The following IMMP2L variants were observed in gnomAD, a reference collection of about 807,000 sequenced individuals.
The protein encoded by IMMP2L is mitochondrial inner membrane protease subunit 2.
IMMP2L carries 18 observed loss-of-function variants against 19.3 expected under a neutral mutation model. The observed-to-expected ratio is 0.93, with a 90% confidence interval of 0.64 to 1.38. The LOEUF is 1.38. Ranked by LOEUF, IMMP2L falls within the 40% of genes most tolerant of loss-of-function variation. The pLI, the probability that IMMP2L is intolerant of heterozygous loss-of-function variation, is 0.00. For synonymous variants in IMMP2L, 76 were observed against 73.0 expected, an observed-to-expected ratio of 1.04 and a Z score of -0.21; for missense variants, 233 against 218.2, an observed-to-expected ratio of 1.07 and a Z score of -0.43.
At chr7:111,062,984 G>A (rs909025136) in intron 3 of IMMP2L, among the ~76,000 whole-genome samples, 1 of 152,190 alleles carries the variant, frequency 6.6e-6, no homozygotes, top group African/African-American at 2.4e-5. Flanking sequence ...TGGAGGTCTG[G>A]GGGACAGTGG....
chr7:111,475,737 A>G (rs2132148717), intron 3 of IMMP2L, among the ~76,000 whole-genome samples: 1 of 152,252 alleles, frequency 6.6e-6, no homozygotes, highest in East Asian at 1.9e-4. Flanking sequence ...GTAATTTTAA[A>G]TAAATAGGAA....
At chr7:111,180,595 G>A (rs757141916) in intron 3 of IMMP2L, among the ~76,000 whole-genome samples, 3 of 152,020 alleles carry the variant, frequency 2.0e-5, no homozygotes, top group East Asian at 1.9e-4. Flanking sequence ...AACATGAAGT[G>A]GGCACATGCT....
chr7:111,258,592 C>T (rs1487504990), intron 3 of IMMP2L, among the ~76,000 whole-genome samples: 3 of 152,006 alleles, frequency 2.0e-5, no homozygotes, highest in Non-Finnish European at 2.9e-5. Flanking sequence ...TGGCACCCTC[C>T]ACCTTCCAGG....
At chr7:110,840,514 A>G (rs1804964040) in intron 5 of IMMP2L, among the ~76,000 whole-genome samples, 1 of 152,172 alleles carries the variant, frequency 6.6e-6, no homozygotes, top group Non-Finnish European at 1.5e-5. Context: ...GCTTAGCTAA[A>G]ATTGAGAAGG....
intron 3 of IMMP2L, among the ~76,000 whole-genome samples, chr7:110,993,419 T>A (rs1822695441): frequency 6.6e-6 from 1 of 152,222 alleles, no homozygotes; most frequent in Non-Finnish European, 1.5e-5. Context: ...CTAGAAAGGT[T>A]ACCCTGATGG....
At chr7:111,189,743 A>C (rs1808665850) in intron 3 of IMMP2L, among the ~76,000 whole-genome samples, 1 of 152,068 alleles carries the variant, frequency 6.6e-6, no homozygotes, top group Admixed American at 6.6e-5. Flanking sequence ...TCTTGAACTG[A>C]CTTAGCTTAA....
At position 111,281,263 on chromosome 7, in the gene IMMP2L, G is replaced by GAA. The variant is rs1554427630; in HGVS notation, c.239+205974_239+205975insTT. ...AAGAAAGAAGAGAGAGAGAGAAAGA[G>GAA]AGAGAGAAAGAAAGAGAAGGAAAGA... On this transcript the variant is annotated intron_variant, in intron 3 of 5. Transcript: ENST00000405709. 7.5e-5 allele frequency among the ~76,000 whole-genome samples: 10 copies of GAA among 133,418 alleles called. No homozygotes were observed. In the South Asian group the frequency reaches 1.0e-3, roughly 13 times the overall value. 87.5% of individuals were successfully genotyped at this position (133,418 alleles called of 152,430 possible).
chr7:111,279,572 A>G (rs1361688946), intron 3 of IMMP2L, among the ~76,000 whole-genome samples: 1 of 152,116 alleles, frequency 6.6e-6, no homozygotes, highest in Non-Finnish European at 1.5e-5. Flanking sequence ...TCTAAATATT[A>G]TTGTCTCAAT....
chr7:111,123,528 C>T lies in IMMP2L; in HGVS notation c.240-159963G>A, dbSNP rs780719826. ...ACGATAACAGGCTTATTAAAGTACC[C>T]CATGTTGCTCTTCAAAAAGTTGTAA... On this transcript the variant is annotated intron_variant, in intron 3 of 5. Transcript: ENST00000405709. The surrounding 1 kb of genome is among the most constrained non-coding windows in gnomAD (Gnocchi z 6.4). 2 of 1,613,772 alleles carry T rather than the reference C, an allele frequency of 1.2e-6. No individual in the cohort carries two copies. The highest frequency in any genetic ancestry group is 4.5e-5 in the East Asian group (2 of 44,842).
At chr7:111,203,199 G>A (rs958554124) in intron 3 of IMMP2L, among the ~76,000 whole-genome samples, 4 of 152,102 alleles carry the variant, frequency 2.6e-5, no homozygotes, top group Middle Eastern at 3.4e-3. Context: ...ACCTTAATAG[G>A]CAAGACGGTT....
intron 2 of IMMP2L, among the ~76,000 whole-genome samples, chr7:111,515,761 G>A (rs556664102): frequency 5.3e-5 from 8 of 152,080 alleles, no homozygotes; most frequent in Admixed American, 2.6e-4. Context: ...TAAGAGAAAC[G>A]TATCTTCCAT....
chr7:110,754,490 G>T (rs1797923319), intron 5 of IMMP2L, among the ~76,000 whole-genome samples: 1 of 151,986 alleles, frequency 6.6e-6, no homozygotes, highest in Non-Finnish European at 1.5e-5. Context: ...TGGATTAAAT[G>T]TCAGTCCTCT....
intron 3 of IMMP2L, among the ~76,000 whole-genome samples, chr7:111,384,656 G>A (rs1355927065): frequency 2.6e-5 from 4 of 152,074 alleles, no homozygotes; most frequent in African/African-American, 9.7e-5. Context: ...TTGGCCTCTA[G>A]CTAAGGAATC....
intron 2 of IMMP2L, among the ~76,000 whole-genome samples, chr7:111,507,767 C>G (rs573550260): frequency 1.1e-4 from 17 of 152,282 alleles, no homozygotes; most frequent in African/African-American, 4.1e-4. Context: ...GCTTGTGATC[C>G]TGCAATTTTG....
intron 3 of IMMP2L, among the ~76,000 whole-genome samples, chr7:110,999,151 T>C (rs1260058514): frequency 6.6e-6 from 1 of 152,152 alleles, no homozygotes; most frequent in Admixed American, 6.6e-5. Flanking sequence ...TTTTTTCTTC[T>C]CTTGAAGCTT....
intron 3 of IMMP2L, among the ~76,000 whole-genome samples, chr7:111,426,873 T>C (rs1836131092): frequency 1.3e-5 from 2 of 151,128 alleles, no homozygotes; most frequent in African/African-American, 4.9e-5. Context: ...TAGTAGTAAT[T>C]AACAATAAAA....
intron 5 of IMMP2L, among the ~76,000 whole-genome samples, chr7:110,715,766 G>A (rs1201778766): frequency 6.6e-6 from 1 of 152,042 alleles, no homozygotes; most frequent in East Asian, 1.9e-4. Flanking sequence ...TGTTTGTTAG[G>A]TCCAATTGGT....
intron 3 of IMMP2L, among the ~76,000 whole-genome samples, chr7:111,381,294 T>C (rs1312176345): frequency 3.3e-5 from 5 of 151,906 alleles, no homozygotes. Context: ...AGGAGCAATG[T>C]AAGCAGAGAC....
chr7:110,956,090 T>C (rs1425240441), intron 4 of IMMP2L, among the ~76,000 whole-genome samples: 1 of 152,056 alleles, frequency 6.6e-6, no homozygotes, highest in Admixed American at 6.6e-5. Flanking sequence ...TCTTCAATAG[T>C]ACATTTAAAA....
Sources: allele counts gnomAD v4.1 joint callset (sites outside exome capture counted in the v4.1 genomes callset), GRCh38; gene constraint gnomAD v4.1.1; non-coding constraint Gnocchi (gnomAD v3.1); transcripts MANE v1.5; gene names NCBI Gene and HGNC (gene_info 2026-07-23, HGNC 2026-07-21).